Variants in SYNE2 observed in about 807,000 individuals in gnomAD.
SYNE2 encodes the protein spectrin repeat containing nuclear envelope protein 2.
In SYNE2, 431 loss-of-function variants were observed where a neutral mutation model predicts 856.3. That is an observed-to-expected ratio of 0.50 (90% confidence interval 0.47 to 0.55). The LOEUF is 0.55. Among genes scored for constraint, SYNE2 ranks in the 20% least tolerant of loss-of-function variants. The pLI, the probability that SYNE2 is intolerant of heterozygous loss-of-function variation, is 0.00. For synonymous variants in SYNE2, 2,923 were observed against 2,872.3 expected, an observed-to-expected ratio of 1.02 and a Z score of -0.56; for missense variants, 8,129 against 8,023.2, an observed-to-expected ratio of 1.01 and a Z score of -0.50.
chr14:64,104,895 T>C (rs1475296638), intron 64 of SYNE2, among the ~76,000 whole-genome samples: 1 of 152,218 alleles, frequency 6.6e-6, no homozygotes, highest in Non-Finnish European at 1.5e-5. Context: ...GTGATAGACT[T>C]TTTTGGGATG....
rs1321050511 is a variant in SYNE2, at chr14:64,122,057, A to T, written c.13204A>T (p.Ile4402Leu). Residue 4402 changes from isoleucine to leucine, a missense_variant, in exon 69 of 116, where the codon ATA becomes TTA. Ile to Leu is a conservative substitution (Grantham distance 5). Transcript: ENST00000555002. ...GGAACAGAAAGATTTCATCAAATTC[A>T]TAGAATTTAATGCTAAGAAAATGTG... is the stretch of plus-strand genomic sequence containing the variant. ...PMEQKDFIKF[I>L]EFNAKKMWPQ... 6.2e-7 allele frequency: 1 copy of T among 1,613,882 alleles called. No homozygotes were observed. The highest frequency in any genetic ancestry group is 1.7e-5 in the Admixed American group (1 of 60,028).
At chr14:63,766,471 A>G (rs185149415) in intron 1 of SYNE2, among the ~76,000 whole-genome samples, 1 of 152,334 alleles carries the variant, frequency 6.6e-6, no homozygotes, top group Admixed American at 6.5e-5. Flanking sequence ...GTGATACTAA[A>G]AAAAGCTCCT....
At chr14:64,152,019 A>G (rs3853411) in intron 84 of SYNE2, among the ~76,000 whole-genome samples, 148,166 of 152,220 alleles carry the variant, frequency 0.97, 72,155 homozygotes, top group East Asian at 1. Flanking sequence ...TTAAAAATGT[A>G]TCTATAAAGA....
At chr14:64,086,329 C>G (rs1048061955) in intron 57 of SYNE2, among the ~76,000 whole-genome samples, 2 of 152,222 alleles carry the variant, frequency 1.3e-5, no homozygotes, top group South Asian at 4.1e-4. Context: ...GCATCTATTT[C>G]TGGGCTCTCC....
At chr14:64,209,340 A>G in intron 101 of SYNE2, 88 bp from the exon 102 acceptor site, 2 of 1,605,426 alleles carry the variant, frequency 1.2e-6, no homozygotes, top group Non-Finnish European at 1.7e-6. Context: ...CTCCCCCACT[A>G]AACCGTGCGG....
intron 1 of SYNE2, among the ~76,000 whole-genome samples, chr14:63,877,604 C>T (rs889630473): frequency 6.6e-6 from 1 of 152,218 alleles, no homozygotes; most frequent in African/African-American, 2.4e-5. Context: ...AAGATCTACA[C>T]TGTTGTAAAG....
Position 64,188,718 on chromosome 14 carries a change from G to A in SYNE2, c.17871+10G>A. The A allele has an allele frequency of 6.2e-7, 1 of 1,613,992 alleles. No homozygotes were observed. The highest frequency in any genetic ancestry group is 1.3e-5 in the African/African-American group (1 of 75,060). On this transcript the variant is annotated intron_variant, in intron 98 of 115. Coordinates refer to ENST00000555002, the MANE Select transcript of SYNE2 (RefSeq NM_182914.3). ...TGAAAAGTTACAGAAGGTAAGGGAG[G>A]ACACCCAGGTGGATGTAGTTATGAC...
At chr14:63,837,744 CCT>C (rs137999687) in intron 1 of SYNE2, among the ~76,000 whole-genome samples, 3,386 of 151,138 alleles carry the variant, frequency 0.022, 39 homozygotes, top group Middle Eastern at 0.042. Flanking sequence ...GTAAGACCCC[CCT>C]GTCTCTACAA....
In SYNE2 at chr14:64,049,758, ATTAC is replaced by A; in HGVS notation, c.7528_7531del (p.Thr2510Ter). ...TTTGGACAATTTGCTTCAGGCACTT[ATTAC>A]TTTGAAGAAAAACAAAGAAAGCCAA... On this transcript the variant is annotated frameshift_variant, in exon 47 of 116. Transcript: ENST00000555002. LOFTEE classifies it high-confidence loss of function. 1 of 1,614,174 alleles carries A rather than the reference ATTAC, an allele frequency of 6.2e-7. No homozygotes were observed. Among genetic ancestry groups the A allele is most frequent in the South Asian group, 1.1e-5 (1 of 91,086 alleles).
chr14:63,946,825 C>T (rs2096039210), intron 6 of SYNE2, among the ~76,000 whole-genome samples: 2 of 151,506 alleles, frequency 1.3e-5, no homozygotes, highest in South Asian at 4.2e-4. Context: ...AATTTATCAA[C>T]TTCTTTTGTG....
chr14:64,005,158 G>C (rs1393060775), intron 30 of SYNE2, among the ~76,000 whole-genome samples: 2 of 152,196 alleles, frequency 1.3e-5, no homozygotes, highest in African/African-American at 2.4e-5. Context: ...TGATGACTTT[G>C]GCTTGTTCTT....
At chr14:64,020,367 C>T (rs1256079316) in intron 35 of SYNE2, among the ~76,000 whole-genome samples, 2 of 152,104 alleles carry the variant, frequency 1.3e-5, no homozygotes, top group Non-Finnish European at 2.9e-5. Context: ...TATGTTGGGT[C>T]GTGGATTGGA....
intron 69 of SYNE2, 33 bp downstream of exon 69, chr14:64,122,166 G>A: frequency 6.2e-7 from 1 of 1,614,160 alleles, no homozygotes; most frequent in Non-Finnish European, 8.5e-7. Flanking sequence ...TGGTCATTCA[G>A]TGGTTTTATG....
chr14:64,032,181 G>C (rs1327059686), intron 45 of SYNE2, among the ~76,000 whole-genome samples: 2 of 152,166 alleles, frequency 1.3e-5, no homozygotes, highest in Non-Finnish European at 2.9e-5. Flanking sequence ...GAACCAGGCA[G>C]GATTTTCTAA....
At chr14:63,958,356 G>A (rs1233950409) in intron 8 of SYNE2, among the ~76,000 whole-genome samples, 1 of 152,118 alleles carries the variant, frequency 6.6e-6, no homozygotes, top group Non-Finnish European at 1.5e-5. Context: ...CGGTTTCCCA[G>A]ACTTTTAAAT....
chr14:63,876,160 C>T (rs1001074969), intron 1 of SYNE2, among the ~76,000 whole-genome samples: 1 of 151,670 alleles, frequency 6.6e-6, no homozygotes, highest in African/African-American at 2.4e-5. Context: ...CACTTGTAAT[C>T]CTAGCACTTT....
chr14:64,018,117 G>A (rs867392505), intron 34 of SYNE2, among the ~76,000 whole-genome samples: 4 of 152,266 alleles, frequency 2.6e-5, no homozygotes, highest in African/African-American at 9.6e-5. Context: ...GGGTCTGTAG[G>A]CTTCACCAGA....
chr14:64,113,914 A>G (rs2097833299), intron 66 of SYNE2, among the ~76,000 whole-genome samples: 1 of 152,216 alleles, frequency 6.6e-6, no homozygotes, highest in East Asian at 1.9e-4. Context: ...GTAGTGTCGC[A>G]GGATTTAAAT....
chr14:63,829,208 T>C (rs1889574814), intron 1 of SYNE2, among the ~76,000 whole-genome samples: 1 of 151,168 alleles, frequency 6.6e-6, no homozygotes, highest in Non-Finnish European at 1.5e-5. Context: ...AGGCCAGGAG[T>C]TCAAGACTAG....
Sources: gnomAD v4.1 joint callset for allele counts (sites outside exome capture counted in the v4.1 genomes callset) on GRCh38, gnomAD v4.1.1 for gene constraint, MANE v1.5 for transcripts, NCBI Gene and HGNC (gene_info 2026-07-23, HGNC 2026-07-21) for gene names.